The following SLC2A1 variants were observed in gnomAD, a reference collection of about 807,000 sequenced individuals.
SLC2A1 encodes solute carrier family 2, facilitated glucose transporter member 1.
A neutral mutation model predicts 46.6 loss-of-function variants in SLC2A1; 4 were observed. The ratio of observed to expected loss-of-function variants is 0.09; its 90% CI spans 0.04 to 0.20. The LOEUF is 0.20. Among genes scored for constraint, SLC2A1 ranks in the 10% least tolerant of loss-of-function variants. SLC2A1 has a pLI of 1.00. For synonymous variants in SLC2A1, 253 were observed against 270.0 expected, an observed-to-expected ratio of 0.94 and a Z score of 0.62; for missense variants, 352 against 667.0, an observed-to-expected ratio of 0.53 and a Z score of 5.20.
rs572648977 is a variant in SLC2A1 at position 42,927,112 on chromosome 1, C to T, written c.1408G>A (p.Gly470Arg). ...FDEIASGFRQGGASQSDKTPE... is the reference protein window; with the variant it reads ...FDEIASGFRQRGASQSDKTPE... ...GTCTTGTCACTTTGGCTGGCTCCCCCCTGCCGGAAGCCGGAAGCGATCTCA... is the reference window on the plus strand; with the variant it reads ...GTCTTGTCACTTTGGCTGGCTCCCCTCTGCCGGAAGCCGGAAGCGATCTCA... The change falls in exon 10 of 10, where the codon GGG (glycine) becomes AGG (arginine). Residue 470 changes from glycine to arginine, a missense_variant. Physicochemically the swap from Gly to Arg is moderately radical, Grantham distance 125. This residue lies in a region of SLC2A1 where 41 missense variants were observed against 49.1 expected (regional missense o/e 0.83). Coordinates refer to ENST00000426263, the MANE Select transcript of SLC2A1 (RefSeq NM_006516.4). This position sits in a 1 kb window ranked among gnomAD's most constrained non-coding sequence, Gnocchi z 5.3. The T allele has an allele frequency of 1.9e-5, 30 of 1,614,060 alleles. No individual in the cohort carries two copies. The highest frequency in any genetic ancestry group is 4.5e-5 in the East Asian group (2 of 44,886).
In SLC2A1 at chr1:42,928,945, G is replaced by A. The variant is rs756790359; in HGVS notation, c.1061C>T (p.Ala354Val). The A allele has an allele frequency of 4.3e-6, 7 of 1,613,668 alleles. No individual in the cohort carries two copies. The highest frequency in any genetic ancestry group is 3.3e-5 in the South Asian group (3 of 91,082). ...MAGCAILMTI[A>V]LALLEQLPWM... The stretch of plus-strand genomic sequence containing the variant: ...CTAGCAACTCACCAGCAGTGCTAGC[G>A]CGATGGTCATGAGTATGGCACAACC... Residue 354 changes from alanine (A) to valine (V), a missense_variant, in exon 8 of 10, where the codon GCG (alanine) becomes GTG (valine). By Grantham distance (64) the Ala-to-Val change is moderately conservative (BLOSUM62 0). Around this residue, in one of 5 missense-constraint regions of SLC2A1, gnomAD observed 167 missense variants for 280.8 expected, o/e 0.59. Coordinates refer to ENST00000426263, the MANE Select transcript of SLC2A1 (RefSeq NM_006516.4).
Position 42,956,733 on chromosome 1 carries a change from C to A in SLC2A1, c.18+1901G>T, listed in dbSNP as rs565577401. 9.2e-5 allele frequency among the ~76,000 whole-genome samples: 14 copies of A among 152,348 alleles called. No individual in the cohort carries two copies. The East Asian group carries it at 2.7e-3, about 29-fold the overall frequency. On this transcript the variant is annotated intron_variant, in intron 1 of 9. Transcript: ENST00000426263. ...CACCCACCTGCTACACTATTTAGAA[C>A]CAGCTGGCACAAGGGGCCACCTTTG... is the stretch of plus-strand genomic sequence containing the variant.
chr1:42,958,854 T>TAC lies in SLC2A1; in HGVS notation c.-205_-204dup. ...TAGCGACCGGCACGCTCGCTGTTGC[T>TAC]ACCTCTTGCCTCTTGCCAGAGAGCG... On this transcript the variant is annotated 5_prime_UTR_variant, in exon 1 of 10. Transcript: ENST00000426263. 1.8e-6 allele frequency: 1 copy of TAC among 564,958 alleles called. No homozygotes were observed. Among genetic ancestry groups the TAC allele is most frequent in the Non-Finnish European group, 3.2e-6 (1 of 316,322 alleles). The allele number at this position is 564,958 out of a possible 1,614,324, so 35.0% of individuals were successfully genotyped here.
intron 1 of SLC2A1, among the ~76,000 whole-genome samples, chr1:42,947,591 A>C (rs1390635863): frequency 1.3e-5 from 2 of 150,092 alleles, no homozygotes; most frequent in South Asian, 2.1e-4. Flanking sequence ...CAAAAAAAAA[A>C]AAAAAAAAAA....
chr1:42,951,571 C>A, intron 1 of SLC2A1: 1 of 341,056 alleles, frequency 2.9e-6, no homozygotes, highest in Non-Finnish European at 5.2e-6. Context: ...TACACATGCA[C>A]AAAGAGAAGT....
chr1:42,957,842 C>T (rs1049837235), intron 1 of SLC2A1, among the ~76,000 whole-genome samples: 1 of 152,198 alleles, frequency 6.6e-6, no homozygotes, highest in Non-Finnish European at 1.5e-5. Flanking sequence ...GGGCTCTTTC[C>T]TGGCCCCCAG....
At position 42,930,111 on chromosome 1, in the gene SLC2A1, T is replaced by C; in HGVS notation, c.517-76A>G. The C allele has an allele frequency of 6.5e-7, 1 of 1,537,594 alleles. No individual in the cohort carries two copies. ...CCCGTCCTGCCAGAGTGGCCTTCCC[T>C]ACTTTGTGTCAGCTGCTGCTTCAGG... On this transcript the variant is annotated intron_variant, in intron 4 of 9. Coordinates refer to ENST00000426263, the MANE Select transcript of SLC2A1 (RefSeq NM_006516.4). This position sits in a 1 kb window ranked among gnomAD's most constrained non-coding sequence, Gnocchi z 6.2.
rs140468199 is a variant in SLC2A1, at chr1:42,942,162, G to C, written c.114+1064C>G. ...CTCTCATTTGGTCCTCTCTGGGAAG[G>C]TACAGATTTTTAAACGGGCAAGGCA... On this transcript the variant is annotated intron_variant, in intron 2 of 9. Transcript: ENST00000426263. Among the ~76,000 whole-genome samples the C allele has an allele frequency of 2.4e-4, 37 of 152,348 alleles. No homozygotes were observed. The East Asian group carries it at 6.9e-3, about 29-fold the overall frequency.
At chr1:42,940,697 C>T (rs550328537) in intron 2 of SLC2A1, among the ~76,000 whole-genome samples, 1 of 152,280 alleles carries the variant, frequency 6.6e-6, no homozygotes, top group East Asian at 1.9e-4. Flanking sequence ...ATCCACCCAC[C>T]TCAGCCTCCC....
intron 8 of SLC2A1, among the ~76,000 whole-genome samples, chr1:42,928,271 C>A (rs1043081940): frequency 6.6e-6 from 1 of 152,246 alleles, no homozygotes; most frequent in Admixed American, 6.5e-5. Context: ...TTTCCACTTG[C>A]TGCCTGTCTG....
intron 2 of SLC2A1, among the ~76,000 whole-genome samples, chr1:42,940,974 A>C (rs1423596991): frequency 6.6e-6 from 1 of 152,032 alleles, no homozygotes; most frequent in Admixed American, 6.6e-5. Context: ...TTCAAACCAC[A>C]CATCACCCAT....
At position 42,930,710 on chromosome 1, in the gene SLC2A1, C is replaced by T. The variant is rs1643479704; in HGVS notation, c.432G>A (p.Val144=). The change falls in exon 4 of 10, where the codon GTG becomes GTA. Residue 144 remains valine, a synonymous_variant. Coordinates refer to ENST00000426263, the MANE Select transcript of SLC2A1 (RefSeq NM_006516.4). This position sits in a 1 kb window ranked among gnomAD's most constrained non-coding sequence, Gnocchi z 6.2. ...GLTTGFVPMY[V]GEVSPTALRG... is the part of the protein sequence containing the mutation. ...GAAGGGCTGTGGGTGACACTTCACC[C>T]ACATACATGGGCACGAAGCCTGTGG... 3 of 1,613,220 alleles carry T rather than the reference C, an allele frequency of 1.9e-6. No homozygotes were observed. The highest frequency in any genetic ancestry group is 2.5e-6 in the Non-Finnish European group (3 of 1,179,932).
At chr1:42,948,239 G>A (rs1643679158) in intron 1 of SLC2A1, among the ~76,000 whole-genome samples, 1 of 152,176 alleles carries the variant, frequency 6.6e-6, no homozygotes, top group African/African-American at 2.4e-5. Context: ...AGATGGCCCT[G>A]GCCACATTGT....
rs755946345 is a variant in SLC2A1 at position 42,929,000 on chromosome 1, G to T, written c.1006C>A (p.Leu336Met). ...FVVERAGRRT[L>M]HLIGLAGMAG... ...ATGCCAGCGAGGCCTATGAGGTGCA[G>T]GGTCCGCCGGCCTGCTCGCTCCACC... is the stretch of plus-strand genomic sequence containing the variant. Residue 336 changes from leucine to methionine, a missense_variant, in exon 8 of 10, where the codon CTG (leucine) becomes ATG (methionine). Transcript: ENST00000426263. The T allele has an allele frequency of 1.9e-6, 3 of 1,613,714 alleles. No individual in the cohort carries two copies. Among genetic ancestry groups the T allele is most frequent in the Non-Finnish European group, 2.5e-6 (3 of 1,180,032 alleles).
chr1:42,926,838 T>C lies in SLC2A1; in HGVS notation c.*203A>G. 6.8e-7 allele frequency: 1 copy of C among 1,480,626 alleles called. No individual in the cohort carries two copies. The highest frequency in any genetic ancestry group is 8.9e-7 in the Non-Finnish European group (1 of 1,121,360). The allele number at this position is 1,480,626 out of a possible 1,614,324, so 91.7% of individuals were successfully genotyped here. On this transcript the variant is annotated 3_prime_UTR_variant, in exon 10 of 10. Transcript: ENST00000426263. The stretch of plus-strand genomic sequence containing the variant: ...AACCTGTTGCTTGTCTGAATAGATT[T>C]GAGCAACAGTCTTGCTTTTGTTAAA...
chr1:42,943,467 T>C (rs1643619041), intron 1 of SLC2A1, 146 bp from the exon 2 acceptor site: 3 of 719,098 alleles, frequency 4.2e-6, no homozygotes, highest in South Asian at 1.5e-5. Flanking sequence ...ACTTGGCCAA[T>C]TCCTGACCTT....
At chr1:42,952,097 AT>A in intron 1 of SLC2A1, 1 of 456,834 alleles carries the variant, frequency 2.2e-6, no homozygotes, top group Non-Finnish European at 3.9e-6. Flanking sequence ...GATGATGGGC[AT>A]TTGCACTAGG....
rs970169158 is a variant in SLC2A1 at position 42,927,348 on chromosome 1, A to G, written c.1279-107T>C. 1.1e-5 allele frequency: 11 copies of G among 1,024,816 alleles called. No individual in the cohort carries two copies. The allele number at this position is 1,024,816 out of a possible 1,614,324, so 63.5% of individuals were successfully genotyped here. A position where few individuals can be genotyped will look rare whatever the true frequency, so the allele number is the denominator to read the frequency against. On this transcript the variant is annotated intron_variant, in intron 9 of 9. Transcript: ENST00000426263. The surrounding 1 kb of genome is among the most constrained non-coding windows in gnomAD (Gnocchi z 5.3). ...TGGGCCTTTGAGCTGAAAAGGGAACATCCACCTACCCAGGGATGCTATCAT... is the reference window on the plus strand; with the variant it reads ...TGGGCCTTTGAGCTGAAAAGGGAACGTCCACCTACCCAGGGATGCTATCAT...
chr1:42,941,805 T>A (rs981903055), intron 2 of SLC2A1, among the ~76,000 whole-genome samples: 5 of 152,208 alleles, frequency 3.3e-5, no homozygotes, highest in African/African-American at 1.2e-4. Context: ...GCACACACTT[T>A]GGCAAGAGCT....
Sources: allele counts gnomAD v4.1 joint callset (sites outside exome capture counted in the v4.1 genomes callset), GRCh38; gene constraint gnomAD v4.1.1; regional missense constraint gnomAD v4.1.1; non-coding constraint Gnocchi (gnomAD v3.1); transcripts MANE v1.5; gene names NCBI Gene and HGNC (gene_info 2026-07-23, HGNC 2026-07-21).